The following KAT2B variants were observed in gnomAD, a reference collection of about 807,000 sequenced individuals.
KAT2B encodes the protein histone acetyltransferase KAT2B.
In KAT2B, 36 loss-of-function variants were observed where a neutral mutation model predicts 105.9. The ratio of observed to expected loss-of-function variants is 0.34; its 90% CI spans 0.26 to 0.45. The LOEUF is 0.45. Among genes scored for constraint, KAT2B ranks in the 20% least tolerant of loss-of-function variants. The pLI is 1.00. For missense variants in KAT2B, 820 were observed against 1,021.6 expected, an observed-to-expected ratio of 0.80 and a Z score of 2.69; for synonymous variants, 397 against 377.9, an observed-to-expected ratio of 1.05 and a Z score of -0.59.
chr3:20,070,624 C>A (rs1698305431), intron 1 of KAT2B, among the ~76,000 whole-genome samples: 4 of 151,410 alleles, frequency 2.6e-5, no homozygotes, highest in Admixed American at 2.6e-4. Context: ...TATACTGTTA[C>A]ACATATATAC....
rs1332673103 is a variant in KAT2B, at chr3:20,154,039, G to A, written c.*1514G>A. The A allele has an allele frequency of 1.3e-5, 2 of 152,600 alleles. No homozygotes were observed. The highest frequency in any genetic ancestry group is 2.9e-5 in the Non-Finnish European group (2 of 68,020). 9.5% of individuals were successfully genotyped at this position (152,600 alleles called of 1,614,324 possible). A position where few individuals can be genotyped will look rare whatever the true frequency, so the allele number is the denominator to read the frequency against. On this transcript the variant is annotated 3_prime_UTR_variant, in exon 18 of 18. Coordinates refer to ENST00000263754, the MANE Select transcript of KAT2B (RefSeq NM_003884.5). ...AAGAAACCACCATGAGTGGTGTCTA[G>A]ATTTCTAATGAAGAATCATGATACA...
chr3:20,096,858 G>T (rs1698820040), intron 3 of KAT2B, among the ~76,000 whole-genome samples: 1 of 151,810 alleles, frequency 6.6e-6, no homozygotes, highest in Admixed American at 6.6e-5. Flanking sequence ...TTTTTGGGTG[G>T]TTAGGAGATA....
intron 1 of KAT2B, among the ~76,000 whole-genome samples, chr3:20,067,159 G>A (rs148559438): frequency 6.6e-6 from 1 of 152,114 alleles, no homozygotes; most frequent in East Asian, 1.9e-4. Context: ...AATATACTTT[G>A]TACTGGGATC....
rs111471660 is a variant in KAT2B at position 20,043,721 on chromosome 3, CTT to C, written c.303+2947_303+2948del. Among the ~76,000 whole-genome samples the C allele has an allele frequency of 4.9e-4, 52 of 106,096 alleles. No homozygotes were observed. In the South Asian group the frequency reaches 5.5e-3, roughly 11 times the overall value. The allele number at this position is 106,096 out of a possible 152,430, so 69.6% of individuals were successfully genotyped here. ...GGAGAGTGACATTATCTCAGATTTG[CTT>C]TTTTTAAAAAAAAAAAAAATTTAAC... On this transcript the variant is annotated intron_variant, in intron 1 of 17. Transcript: ENST00000263754.
intron 2 of KAT2B, among the ~76,000 whole-genome samples, chr3:20,076,721 A>G (rs1040306932): frequency 3.3e-5 from 5 of 152,108 alleles, no homozygotes; most frequent in Non-Finnish European, 7.4e-5. Context: ...TTCTTATCTT[A>G]TTCATGCAGA....
At chr3:20,146,460 A>G (rs747542278) in intron 14 of KAT2B, 30 bp downstream of exon 14, 3 of 1,266,102 alleles carry the variant, frequency 2.4e-6, no homozygotes, top group African/African-American at 3.0e-5. Context: ...TAAAAGCGAA[A>G]TTTTTTAGTA....
At chr3:20,053,626 C>G (rs1382399147) in intron 1 of KAT2B, among the ~76,000 whole-genome samples, 1 of 152,110 alleles carries the variant, frequency 6.6e-6, no homozygotes, top group Non-Finnish European at 1.5e-5. Flanking sequence ...AAAGTTTTAG[C>G]ATATATTCTA....
rs117322778 is a variant in KAT2B at position 20,069,399 on chromosome 3, A to C, written c.304-2934A>C. 2.6e-5 allele frequency among the ~76,000 whole-genome samples: 4 copies of C among 152,278 alleles called. No homozygotes were observed. The East Asian group carries it at 7.7e-4, about 29-fold the overall frequency. ...CCTATCTGGGCTGATAAAGGTCAAGAGTTGTCTCCAAGATCAACTTCTGTC... is the reference window on the plus strand; with the variant it reads ...CCTATCTGGGCTGATAAAGGTCAAGCGTTGTCTCCAAGATCAACTTCTGTC... On this transcript the variant is annotated intron_variant, in intron 1 of 17. Transcript: ENST00000263754.
At chr3:20,122,004 G>T (rs1032387077) in intron 8 of KAT2B, among the ~76,000 whole-genome samples, 2 of 151,992 alleles carry the variant, frequency 1.3e-5, no homozygotes, top group African/African-American at 4.8e-5. Context: ...ACTGATTTCC[G>T]TACATATATG....
intron 1 of KAT2B, among the ~76,000 whole-genome samples, chr3:20,049,881 A>G (rs536716643): frequency 1.3e-5 from 2 of 152,272 alleles, no homozygotes; most frequent in Admixed American, 6.5e-5. Flanking sequence ...TGTGTCAGAA[A>G]GTTAAGAAAT....
chr3:20,123,396 C>T (rs1699346313), intron 9 of KAT2B, among the ~76,000 whole-genome samples: 1 of 152,132 alleles, frequency 6.6e-6, no homozygotes, highest in Non-Finnish European at 1.5e-5. Context: ...TGGTGAATTA[C>T]AGCCTGCAAG....
intron 11 of KAT2B, among the ~76,000 whole-genome samples, chr3:20,135,767 G>A (rs563940559): frequency 3.3e-5 from 5 of 152,296 alleles, no homozygotes; most frequent in Admixed American, 1.3e-4. Context: ...GGGAAAGTAC[G>A]GATGGGCATG....
intron 1 of KAT2B, among the ~76,000 whole-genome samples, chr3:20,070,386 G>C (rs1348269427): frequency 6.7e-6 from 1 of 148,882 alleles, no homozygotes; most frequent in Non-Finnish European, 1.5e-5. Flanking sequence ...CTCACTGCAA[G>C]CTTCGCCTCC....
At chr3:20,148,643 C>T in intron 17 of KAT2B, 156 bp downstream of exon 17, 1 of 584,708 alleles carries the variant, frequency 1.7e-6, no homozygotes. Context: ...TCAGTGATGG[C>T]AGAGAAGTGG....
At chr3:20,105,648 G>C (rs1027941939) in intron 5 of KAT2B, among the ~76,000 whole-genome samples, 3 of 151,796 alleles carry the variant, frequency 2.0e-5, no homozygotes, top group African/African-American at 7.2e-5. Flanking sequence ...GGGTGTGGTG[G>C]CATGTGTCTG....
chr3:20,094,694 G>GGGTCAAGCTAAAATAGGCCA (rs1559311171), intron 2 of KAT2B, among the ~76,000 whole-genome samples: 4 of 152,028 alleles, frequency 2.6e-5, no homozygotes, highest in African/African-American at 4.8e-5. Flanking sequence ...AAAATAGGCC[G>GGGTCAAGCTAAAATAGGCCA]TGGGGACTTT....
chr3:20,072,388 C>A lies in KAT2B; in HGVS notation c.359C>A (p.Pro120His). 1 of 1,613,158 alleles carries A rather than the reference C, an allele frequency of 6.2e-7. No homozygotes were observed. The highest frequency in any genetic ancestry group is 2.2e-5 in the East Asian group (1 of 44,880). Residue 120 changes from proline to histidine, a missense_variant, in exon 2 of 18, where the codon CCC becomes CAC. Coordinates refer to ENST00000263754, the MANE Select transcript of KAT2B (RefSeq NM_003884.5). Reference protein sequence around the residue: ...GWKNPNPSPTPPRADLQQIIV... With the variant: ...GWKNPNPSPTHPRADLQQIIV... ...AAAAACCCTAACCCCTCACCCACTC[C>A]CCCCAGAGCCGACCTGCAGCAAATA...
intron 14 of KAT2B, 151 bp from the exon 15 acceptor site, chr3:20,147,812 G>T: frequency 1.5e-6 from 1 of 665,310 alleles, no homozygotes; most frequent in East Asian, 2.7e-5. Flanking sequence ...GTGGTATAAG[G>T]AAGTAACTAA....
chr3:20,076,492 T>C (rs1698421401), intron 2 of KAT2B, among the ~76,000 whole-genome samples: 1 of 152,222 alleles, frequency 6.6e-6, no homozygotes, highest in Admixed American at 6.5e-5. Flanking sequence ...AAAACCTTTT[T>C]CTGAGATTAC....
Sources: gnomAD v4.1 joint callset for allele counts (sites outside exome capture counted in the v4.1 genomes callset) on GRCh38, gnomAD v4.1.1 for gene constraint, MANE v1.5 for transcripts, NCBI Gene and HGNC (gene_info 2026-07-23, HGNC 2026-07-21) for gene names.